The following PRKG1 variants were observed in gnomAD, a reference collection of about 807,000 sequenced individuals.
The protein encoded by PRKG1 is protein kinase cGMP-dependent 1, also known as cGMP-dependent protein kinase 1.
Under a neutral mutation model 88.1 loss-of-function variants are expected in PRKG1, and 35 were observed. The observed-to-expected ratio is 0.40, with a 90% CI of 0.30 to 0.53. The LOEUF is 0.53. Ranked by LOEUF, PRKG1 falls within the 20% of genes least tolerant of loss-of-function variation. The probability of loss-of-function intolerance (pLI) is 0.59; values close to 1 mark genes in which losing one functional copy is unlikely to be tolerated. For missense variants in PRKG1, 540 were observed against 839.8 expected, an observed-to-expected ratio of 0.64 and a Z score of 4.41; for synonymous variants, 303 against 292.5, an observed-to-expected ratio of 1.04 and a Z score of -0.37.
chr10:51,330,717 T>C (rs1217687531), intron 2 of PRKG1, among the ~76,000 whole-genome samples: 1 of 152,236 alleles, frequency 6.6e-6, no homozygotes, highest in African/African-American at 2.4e-5. Context: ...TCTGGTCACA[T>C]TGATTTCTTC....
chr10:51,970,831 GAT>G (rs59493582), intron 5 of PRKG1, among the ~76,000 whole-genome samples: 14 of 136,576 alleles, frequency 1.0e-4, no homozygotes, highest in South Asian at 2.3e-4. Flanking sequence ...ATATATATGT[GAT>G]ATATATATAT....
At position 51,608,650 on chromosome 10, in the gene PRKG1, A is replaced by G. The variant is rs146017977; in HGVS notation, c.592+140814A>G. Among the ~76,000 whole-genome samples, 184 of 152,332 alleles carry G rather than the reference A, an allele frequency of 1.2e-3. 1 individual carries two copies. The highest frequency in any genetic ancestry group is 4.2e-3 in the African/African-American group (174 of 41,576). ...GCAGATGGTCAGTATCTAGTGTTAC[A>G]TGACTTTCTGTTATTAGGAAGTGAA... On this transcript the variant is annotated intron_variant, in intron 3 of 17. Coordinates refer to ENST00000373980, the MANE Select transcript of PRKG1 (RefSeq NM_006258.4).
Position 52,282,782 on chromosome 10 carries a change from C to T in PRKG1, c.1709+466C>T, listed in dbSNP as rs79054918. ...ACTCAAATAGGCACTAGGGACACCACAAGGTATAAAACAAACTTTAAGATC... is the reference window on the plus strand; with the variant it reads ...ACTCAAATAGGCACTAGGGACACCATAAGGTATAAAACAAACTTTAAGATC... On this transcript the variant is annotated intron_variant, in intron 14 of 17. Transcript: ENST00000373980. Among the ~76,000 whole-genome samples, 315 of 152,080 alleles carry T rather than the reference C, an allele frequency of 2.1e-3. 1 individual carries two copies. Among genetic ancestry groups the T allele is most frequent in the Middle Eastern group, 3.4e-3 (1 of 294 alleles).
intron 2 of PRKG1, among the ~76,000 whole-genome samples, chr10:51,428,531 C>T (rs1838662099): frequency 6.6e-6 from 1 of 152,176 alleles, no homozygotes; most frequent in South Asian, 2.1e-4. Flanking sequence ...TTTCATTACT[C>T]TGGAAATTGG....
chr10:51,189,810 G>A (rs1426498638), intron 2 of PRKG1, among the ~76,000 whole-genome samples: 1 of 151,910 alleles, frequency 6.6e-6, no homozygotes, highest in African/African-American at 2.4e-5. Flanking sequence ...TTAGAGCCTA[G>A]GTGTTGAACA....
intron 4 of PRKG1, 42 bp downstream of exon 4, chr10:51,804,732 T>C: frequency 7.2e-7 from 1 of 1,386,478 alleles, no homozygotes; most frequent in Non-Finnish European, 1.0e-6. Context: ...TTTACTTTCC[T>C]TTTAGCCCTA....
chr10:51,195,575 G>A (rs571477438), intron 2 of PRKG1, among the ~76,000 whole-genome samples: 24 of 152,188 alleles, frequency 1.6e-4, no homozygotes, highest in Non-Finnish European at 1.5e-5. Context: ...GTTCTACTTA[G>A]GAGGCATAAA....
intron 8 of PRKG1, 95 bp downstream of exon 8, chr10:52,134,000 C>T: frequency 2.2e-6 from 2 of 916,016 alleles, no homozygotes; most frequent in Non-Finnish European, 3.4e-6. Flanking sequence ...GCTATTAATA[C>T]TTGTTTTATA....
intron 7 of PRKG1, among the ~76,000 whole-genome samples, chr10:52,064,572 G>A (rs1239543405): frequency 2.0e-5 from 3 of 152,206 alleles, no homozygotes; most frequent in African/African-American, 4.8e-5. Flanking sequence ...GCTGCACCGG[G>A]GAGAAAAGGG....
chr10:51,423,285 G>A (rs1044367775), intron 2 of PRKG1, among the ~76,000 whole-genome samples: 2 of 151,956 alleles, frequency 1.3e-5, no homozygotes, highest in Non-Finnish European at 1.5e-5. Flanking sequence ...TAATGACTTC[G>A]AAATTTCACA....
intron 5 of PRKG1, among the ~76,000 whole-genome samples, chr10:51,932,587 G>T (rs570306546): frequency 1.1e-3 from 172 of 152,256 alleles, no homozygotes; most frequent in African/African-American, 3.9e-3. Flanking sequence ...TAAGTGGACA[G>T]ATGGAGGAGA....
chr10:51,856,928 C>T (rs918744083), intron 4 of PRKG1, among the ~76,000 whole-genome samples: 1 of 146,898 alleles, frequency 6.8e-6, no homozygotes, highest in Non-Finnish European at 1.5e-5. Context: ...TGCGCCACTG[C>T]ACTCCAGTCT....
At chr10:51,093,042 G>T (rs1468133084) in intron 1 of PRKG1, among the ~76,000 whole-genome samples, 1 of 152,150 alleles carries the variant, frequency 6.6e-6, no homozygotes, top group Non-Finnish European at 1.5e-5. Context: ...ACGAATCGTT[G>T]TGCAGGTTGA....
intron 1 of PRKG1, among the ~76,000 whole-genome samples, chr10:51,021,128 A>C (rs1185986590): frequency 1.3e-5 from 2 of 152,186 alleles, no homozygotes; most frequent in African/African-American, 4.8e-5. Context: ...AATGTGTTGA[A>C]TCGAGACCAG....
chr10:51,641,414 A>G lies in PRKG1; in HGVS notation c.593-163171A>G, dbSNP rs140643572. Among the ~76,000 whole-genome samples the G allele has an allele frequency of 6.6e-5, 10 of 152,296 alleles. No homozygotes were observed. In the East Asian group the frequency reaches 1.9e-3, roughly 29 times the overall value. ...TCCAAGGTGATGAATTTTTTAGTCT[A>G]CAGGTAAGGTAGTGGATAATGATAA... is the stretch of plus-strand genomic sequence containing the variant. On this transcript the variant is annotated intron_variant, in intron 3 of 17. Transcript: ENST00000373980.
chr10:51,139,183 T>G (rs974377033), intron 1 of PRKG1, among the ~76,000 whole-genome samples: 1 of 152,196 alleles, frequency 6.6e-6, no homozygotes, highest in African/African-American at 2.4e-5. Flanking sequence ...TGTGATACCC[T>G]TATGCTTAAA....
At chr10:51,402,147 T>G (rs1359895292) in intron 2 of PRKG1, among the ~76,000 whole-genome samples, 1 of 152,234 alleles carries the variant, frequency 6.6e-6, no homozygotes, top group Non-Finnish European at 1.5e-5. Context: ...TGCTTAACAT[T>G]TATCCTTCCT....
At chr10:51,336,853 C>A (rs1206936038) in intron 2 of PRKG1, among the ~76,000 whole-genome samples, 1 of 152,158 alleles carries the variant, frequency 6.6e-6, no homozygotes. Context: ...TTTATAGATA[C>A]AATGCTATTC....
intron 2 of PRKG1, among the ~76,000 whole-genome samples, chr10:51,211,369 G>C (rs1270330956): frequency 1.3e-5 from 2 of 152,128 alleles, no homozygotes; most frequent in Non-Finnish European, 2.9e-5. Context: ...ATACTGAATG[G>C]ACAAAAACTG....
Sources: gnomAD v4.1 joint callset for allele counts (sites outside exome capture counted in the v4.1 genomes callset) on GRCh38, gnomAD v4.1.1 for gene constraint, MANE v1.5 for transcripts, NCBI Gene and HGNC (gene_info 2026-07-23, HGNC 2026-07-21) for gene names.